ZNF503: variants seen among roughly 807,000 people sequenced by gnomAD.
The protein encoded by ZNF503 is NocA-like zinc finger 2.
Under a neutral mutation model 34.4 loss-of-function variants are expected in ZNF503, and 15 were observed. The observed-to-expected ratio is 0.44, with a 90% confidence interval of 0.29 to 0.67. ZNF503 has a LOEUF of 0.67. Among genes scored for constraint, ZNF503 ranks in the 30% least tolerant of loss-of-function variants. ZNF503 has a pLI of 0.13. For synonymous variants in ZNF503, 580 were observed against 456.8 expected, an observed-to-expected ratio of 1.27 and a Z score of -3.44; for missense variants, 1,007 against 926.8, an observed-to-expected ratio of 1.09 and a Z score of -1.12.
At chr10:75,329,049 T>C in the ZNF503 span, among the ~76,000 whole-genome samples, 2 of 152,096 alleles carry the variant, frequency 1.3e-5, no homozygotes, top group Non-Finnish European at 2.9e-5. Context: ...GCTCGGCCTG[T>C]CTTTCCATTT....
At chr10:75,343,237 A>G in the ZNF503 span, 1 of 152,236 alleles carries the variant, frequency 6.6e-6, no homozygotes, top group East Asian at 1.9e-4. Flanking sequence ...TATCTTGTAC[A>G]AGATTCATGT....
At chr10:75,380,910 A>G in the ZNF503 span, among the ~76,000 whole-genome samples, 2 of 152,194 alleles carry the variant, frequency 1.3e-5, no homozygotes, top group African/African-American at 4.8e-5. Context: ...CCCTTATGGC[A>G]GTGGCCATAC....
Position 75,401,393 on chromosome 10 carries a change from G to A in ZNF503, c.27C>T (p.Ala9=), listed in dbSNP as rs367599528. 1.3e-5 allele frequency: 20 copies of A among 1,539,010 alleles called. No individual in the cohort carries two copies. Among genetic ancestry groups the A allele is most frequent in the African/African-American group, 2.7e-5 (2 of 72,872 alleles). Reference sequence around the variant, plus strand: ...CGCCGCTGTGCTTACTGCTTCTTAGGGCAGAAAGCGAGGGCGCTGTGCTCA... The same window carrying A: ...CGCCGCTGTGCTTACTGCTTCTTAGAGCAGAAAGCGAGGGCGCTGTGCTCA... The part of the protein sequence containing the change: MSTAPSLS[A]LRSSKHSGGG... Residue 9 remains alanine, a synonymous_variant, in exon 1 of 2, where the codon GCC becomes GCT. Transcript: ENST00000372524.
chr10:75,289,608 T>C, the ZNF503 span, among the ~76,000 whole-genome samples: 1 of 152,150 alleles, frequency 6.6e-6, no homozygotes, highest in Non-Finnish European at 1.5e-5. Context: ...TATTTTTAGA[T>C]GGAGTCTTGC....
the ZNF503 span, among the ~76,000 whole-genome samples, chr10:75,293,541 G>A: frequency 6.6e-6 from 1 of 152,060 alleles, no homozygotes; most frequent in African/African-American, 2.4e-5. Flanking sequence ...TTTCCTCAGA[G>A]CATAAGCACT....
chr10:75,384,059 G>C, the ZNF503 span, among the ~76,000 whole-genome samples: 1 of 152,306 alleles, frequency 6.6e-6, no homozygotes, highest in African/African-American at 2.4e-5. Flanking sequence ...AGTTTAGGAC[G>C]AGTCTGGCTC....
chr10:75,316,350 C>CTT, the ZNF503 span, among the ~76,000 whole-genome samples: 3 of 144,576 alleles, frequency 2.1e-5, no homozygotes, highest in Non-Finnish European at 3.1e-5. Flanking sequence ...TTTTCTTTTC[C>CTT]TTTTTTTTTT....
chr10:75,343,339 A>G, the ZNF503 span: 1 of 152,288 alleles, frequency 6.6e-6, no homozygotes, highest in Non-Finnish European at 1.5e-5. Flanking sequence ...TGGTACATAC[A>G]GGCAAGGCAT....
the ZNF503 span, among the ~76,000 whole-genome samples, chr10:75,312,564 A>G: frequency 6.6e-6 from 1 of 152,190 alleles, no homozygotes; most frequent in Non-Finnish European, 1.5e-5. Context: ...AAAAAGTTTG[A>G]AAAGAAATAA....
chr10:75,316,424 A>G, the ZNF503 span, among the ~76,000 whole-genome samples: 1 of 151,198 alleles, frequency 6.6e-6, no homozygotes, highest in Non-Finnish European at 1.5e-5. Flanking sequence ...TGGCACGATC[A>G]TAGTTCACTG....
downstream of ZNF503, among the ~76,000 whole-genome samples, chr10:75,395,269 G>C (rs1843683639): frequency 6.6e-6 from 1 of 152,340 alleles, no homozygotes; most frequent in African/African-American, 2.4e-5. This position sits in a 1 kb window ranked among gnomAD's most constrained non-coding sequence, Gnocchi z 4.4. Context: ...AGAACGAGGA[G>C]GAAACAAGCG....
At chr10:75,388,080 T>G in the ZNF503 span, among the ~76,000 whole-genome samples, 1 of 152,048 alleles carries the variant, frequency 6.6e-6, no homozygotes, top group Non-Finnish European at 1.5e-5. Flanking sequence ...GAGAGGAAGA[T>G]TACACTCACC....
At chr10:75,377,338 T>C in the ZNF503 span, among the ~76,000 whole-genome samples, 10 of 152,194 alleles carry the variant, frequency 6.6e-5, no homozygotes, top group African/African-American at 2.4e-4. Context: ...GCTCAGTGGG[T>C]TCCAACCACT....
At position 75,399,543 on chromosome 10, in the gene ZNF503, G is replaced by C. The variant is rs952709871; in HGVS notation, c.1147C>G (p.Pro383Ala). 1.4e-5 allele frequency: 22 copies of C among 1,592,328 alleles called. No individual in the cohort carries two copies. The African/African-American group carries it at 2.1e-4, about 15-fold the overall frequency. ...CCCACCAGGCTGCCCGGCTTGGTGG[G>C]GTCAAGTGCCACGCCGTGTGGCAGG... The part of the protein sequence containing the change: ...QFLPHGVALD[P>A]TKPGSLVGAQ... Residue 383 changes from proline (P) to alanine (A), a missense_variant, in exon 2 of 2, where the codon CCC becomes GCC. Transcript: ENST00000372524.
the ZNF503 span, among the ~76,000 whole-genome samples, chr10:75,328,875 T>G: frequency 2.0e-5 from 3 of 151,472 alleles, no homozygotes; most frequent in African/African-American, 7.3e-5. Context: ...GCCTCCTGAG[T>G]ACCTGGGATT....
the ZNF503 span, among the ~76,000 whole-genome samples, chr10:75,295,954 G>C: frequency 6.6e-6 from 1 of 152,142 alleles, no homozygotes; most frequent in African/African-American, 2.4e-5. This position sits in a 1 kb window ranked among gnomAD's most constrained non-coding sequence, Gnocchi z 4.0. Flanking sequence ...ATTTCCTCCC[G>C]TTGGGCTTGG....
the ZNF503 span, among the ~76,000 whole-genome samples, chr10:75,336,533 A>G: frequency 6.6e-6 from 1 of 152,162 alleles, no homozygotes; most frequent in Non-Finnish European, 1.5e-5. Context: ...AGGGTAGGGA[A>G]TTGCACTCAC....
At chr10:75,377,987 G>A in the ZNF503 span, among the ~76,000 whole-genome samples, 1 of 152,232 alleles carries the variant, frequency 6.6e-6, no homozygotes, top group African/African-American at 2.4e-5. Context: ...CAGAACAGGA[G>A]GAAGAGAGAG....
rs930148692 is a variant in ZNF503, at chr10:75,401,446, G to C, written c.-27C>G. 21 of 1,519,498 alleles carry C rather than the reference G, an allele frequency of 1.4e-5. No homozygotes were observed. Among genetic ancestry groups the C allele is most frequent in the Non-Finnish European group, 1.5e-5 (17 of 1,140,006 alleles). 94.1% of individuals were successfully genotyped at this position (1,519,498 alleles called of 1,614,324 possible). A position where few individuals can be genotyped will look rare whatever the true frequency, so the allele number is the denominator to read the frequency against. On this transcript the variant is annotated 5_prime_UTR_variant, in exon 1 of 2. Transcript: ENST00000372524. ...ACCCACCCGCGCGCATGGGAGCAGC[G>C]GGGGGGAGGGCTCCGGGAGGCGCGG...
Sources: allele counts gnomAD v4.1 joint callset (sites outside exome capture counted in the v4.1 genomes callset), GRCh38; gene constraint gnomAD v4.1.1; non-coding constraint Gnocchi (gnomAD v3.1); transcripts MANE v1.5; gene names NCBI Gene and HGNC (gene_info 2026-07-23, HGNC 2026-07-21).